TENM1: variants seen among roughly 807,000 people sequenced by gnomAD.
The protein encoded by TENM1 is teneurin-1.
In TENM1, 35 loss-of-function variants were observed where a neutral mutation model predicts 174.8. That is an observed-to-expected ratio of 0.20 (90% CI 0.15 to 0.27). The LOEUF (loss-of-function observed/expected upper bound fraction) is 0.27. TENM1 is among the 10% of genes least tolerant of loss of function. The pLI, the probability that TENM1 is intolerant of heterozygous loss-of-function variation, is 1.00. For missense variants in TENM1, 1,633 were observed against 2,130.1 expected, an observed-to-expected ratio of 0.77 and a Z score of 4.59; for synonymous variants, 781 against 798.7, an observed-to-expected ratio of 0.98 and a Z score of 0.37.
chrX:125,001,848 T>TACAC, the TENM1 span, among the ~76,000 whole-genome samples: 2 of 86,322 alleles, frequency 2.3e-5, no homozygotes, highest in Non-Finnish European at 4.5e-5. Flanking sequence ...AAACTATAGA[T>TACAC]AGATACACAC....
the TENM1 span, among the ~76,000 whole-genome samples, chrX:125,150,083 A>C: frequency 9.0e-5 from 10 of 111,488 alleles, no homozygotes; most frequent in East Asian, 2.8e-3. Flanking sequence ...TCAAGAAATG[A>C]AAGGAAGGAA....
chrX:125,116,701 G>A, the TENM1 span, among the ~76,000 whole-genome samples: 2 of 112,419 alleles, frequency 1.8e-5, no homozygotes, highest in Non-Finnish European at 3.8e-5. Context: ...CTGCTAGTTA[G>A]AATGGCGATC....
intron 3 of TENM1, among the ~76,000 whole-genome samples, chrX:124,769,276 CTTTAATG>C (rs889289703): frequency 1.8e-5 from 2 of 111,398 alleles, no homozygotes; most frequent in Admixed American, 9.6e-5. Flanking sequence ...TCTATGGGGA[CTTTAATG>C]TTTATGTTTT....
intron 11 of TENM1, among the ~76,000 whole-genome samples, chrX:124,623,445 T>C (rs1278946331): frequency 8.9e-6 from 1 of 111,948 alleles, no homozygotes; most frequent in Non-Finnish European, 1.9e-5. Context: ...TCTTTCTGTT[T>C]CAAATACATG....
exon 15 of TENM1, chrX:124,547,086 A>T (rs889216592): frequency 8.3e-7 from 1 of 1,203,994 alleles, no homozygotes; most frequent in Non-Finnish European, 1.1e-6. Flanking sequence ...AGTCGGTTAA[A>T]CCATCTGGAA....
intron 11 of TENM1, among the ~76,000 whole-genome samples, chrX:124,574,601 G>A (rs182711779): frequency 9.0e-6 from 1 of 111,264 alleles, no homozygotes; most frequent in African/African-American, 3.3e-5. Context: ...GGGAAGAACA[G>A]AGAATGAATG....
chrX:124,660,991 C>G (rs148405266), intron 6 of TENM1, among the ~76,000 whole-genome samples: 152 of 111,963 alleles, frequency 1.4e-3, no homozygotes, highest in African/African-American at 4.5e-3. Flanking sequence ...AAAGATCTAT[C>G]AACTAATGAA....
intron 5 of TENM1, among the ~76,000 whole-genome samples, chrX:124,703,271 T>A (rs1261697738): frequency 8.9e-6 from 1 of 111,896 alleles, no homozygotes; most frequent in African/African-American, 3.2e-5. Flanking sequence ...TGAACTATAC[T>A]GTCTTACTTC....
chrX:124,401,387 G>A (rs866728546), intron 27 of TENM1, among the ~76,000 whole-genome samples: 2 of 112,059 alleles, frequency 1.8e-5, no homozygotes, highest in South Asian at 7.5e-4. Flanking sequence ...CCACAGTACA[G>A]AAGGGGTTTC....
At chrX:124,878,677 C>G (rs2057250464) in intron 3 of TENM1, among the ~76,000 whole-genome samples, 1 of 111,444 alleles carries the variant, frequency 9.0e-6, no homozygotes, top group African/African-American at 3.3e-5. Context: ...CCTGAAGAAC[C>G]ATATGTCAAA....
At chrX:124,408,830 C>T (rs2060495114) in intron 25 of TENM1, among the ~76,000 whole-genome samples, 1 of 59,265 alleles carries the variant, frequency 1.7e-5, no homozygotes, top group Non-Finnish European at 2.9e-5. Flanking sequence ...TCCCCCCACC[C>T]CACAACAGGC....
the TENM1 span, among the ~76,000 whole-genome samples, chrX:125,031,127 T>A: frequency 1.8e-5 from 2 of 109,917 alleles, no homozygotes; most frequent in African/African-American, 6.6e-5. Flanking sequence ...CCACTCTAAG[T>A]AGTCCCCAGT....
At chrX:124,725,685 C>T (rs2053427843) in intron 4 of TENM1, among the ~76,000 whole-genome samples, 1 of 112,338 alleles carries the variant, frequency 8.9e-6, no homozygotes, top group Non-Finnish European at 1.9e-5. Flanking sequence ...GGAGTTAATA[C>T]AGAACCAGCT....
chrX:124,490,026 G>A (rs1427314652), intron 20 of TENM1, among the ~76,000 whole-genome samples: 1 of 111,447 alleles, frequency 9.0e-6, no homozygotes, highest in East Asian at 2.8e-4. Context: ...CTGTTTTAGG[G>A]CCCTGTTTTC....
intron 23 of TENM1, among the ~76,000 whole-genome samples, chrX:124,444,782 T>C (rs991243826): frequency 1.8e-5 from 2 of 111,454 alleles, no homozygotes; most frequent in Non-Finnish European, 3.8e-5. Context: ...GTGGCTTCCA[T>C]TCTGGAAGAA....
At chrX:125,091,507 T>C in the TENM1 span, among the ~76,000 whole-genome samples, 1 of 111,652 alleles carries the variant, frequency 9.0e-6, no homozygotes, top group African/African-American at 3.3e-5. Flanking sequence ...TTGAGTGTGT[T>C]AAGCAAATAC....
chrX:125,167,298 G>T, the TENM1 span, among the ~76,000 whole-genome samples: 1 of 111,574 alleles, frequency 9.0e-6, no homozygotes, highest in Non-Finnish European at 1.9e-5. Context: ...AACTAATGGG[G>T]CACGAAGAAC....
At chrX:124,962,156 G>A (rs1384100397) in intron 1 of TENM1, among the ~76,000 whole-genome samples, 1 of 111,639 alleles carries the variant, frequency 9.0e-6, no homozygotes, top group Non-Finnish European at 1.9e-5. Flanking sequence ...TTATTCATTT[G>A]GAAATGCCGG....
exon 32 of TENM1, chrX:124,379,572 A>G (rs1359638829): frequency 1.8e-5 from 2 of 111,884 alleles, no homozygotes; most frequent in Non-Finnish European, 3.8e-5. Flanking sequence ...GGCATCCCAG[A>G]CACGTATGCC....
Sources: gnomAD v4.1 joint callset for allele counts (sites outside exome capture counted in the v4.1 genomes callset) on GRCh38, gnomAD v4.1.1 for gene constraint, MANE v1.5 for transcripts, NCBI Gene and HGNC (gene_info 2026-07-23, HGNC 2026-07-21) for gene names.